PCDHGA2: variants seen among roughly 807,000 people sequenced by gnomAD.
The protein encoded by PCDHGA2 is protocadherin gamma-A2.
PCDHGA2 carries 40 observed loss-of-function variants against 59.2 expected under a neutral mutation model. The observed-to-expected ratio is 0.68, with a 90% CI of 0.52 to 0.88. The LOEUF (loss-of-function observed/expected upper bound fraction) is 0.88. PCDHGA2 is among the 40% of genes least tolerant of loss of function. PCDHGA2 has a pLI of 0.00. For missense variants in PCDHGA2, 1,226 were observed against 1,204.0 expected (o/e 1.02, Z -0.27); for synonymous variants, 560 against 526.0 (o/e 1.06, Z -0.89).
At chr5:141,366,966 A>C in intron 1 of PCDHGA2, 1 of 605,066 alleles carries the variant, frequency 1.7e-6, no homozygotes. Context: ...TAAGTGAAAC[A>C]AATACCTTAA....
At chr5:141,358,301 A>G (rs1561516430) in intron 1 of PCDHGA2, among the ~76,000 whole-genome samples, 2 of 152,228 alleles carry the variant, frequency 1.3e-5, no homozygotes, top group South Asian at 2.1e-4. Flanking sequence ...GTAAATTCAC[A>G]TTTACAATAT....
At chr5:141,362,994 C>A (rs1023697492) in intron 1 of PCDHGA2, among the ~76,000 whole-genome samples, 1 of 152,232 alleles carries the variant, frequency 6.6e-6, no homozygotes, top group East Asian at 1.9e-4. Flanking sequence ...AATGGCATGG[C>A]TTGTTAATCA....
rs1345849371 is a variant in PCDHGA2 at position 141,362,707 on chromosome 5, G to A, written c.2424+21312G>A. On this transcript the variant is annotated intron_variant, in intron 1 of 3. Coordinates refer to ENST00000394576, the MANE Select transcript of PCDHGA2 (RefSeq NM_018915.4). Reference sequence around the variant, plus strand: ...AATCTTATCTAACTGAATTTTAAGTGTTTTCTCTCTGAAGTGTGAGATTTA... The same window carrying A: ...AATCTTATCTAACTGAATTTTAAGTATTTTCTCTCTGAAGTGTGAGATTTA... The A allele has an allele frequency of 1.5e-5, 15 of 973,906 alleles. No individual in the cohort carries two copies. The South Asian group carries it at 2.3e-4, about 15-fold the overall frequency. The allele number at this position is 973,906 out of a possible 1,614,324, so 60.3% of individuals were successfully genotyped here.
intron 1 of PCDHGA2, among the ~76,000 whole-genome samples, chr5:141,348,064 T>C (rs1758058458): frequency 6.6e-6 from 1 of 152,238 alleles, no homozygotes. Context: ...TTTTGTCATG[T>C]TCTACAACTT....
chr5:141,394,536 G>A lies in PCDHGA2; in HGVS notation c.2424+53141G>A. The A allele has an allele frequency of 1.2e-6, 2 of 1,614,188 alleles. No individual in the cohort carries two copies. Among genetic ancestry groups the A allele is most frequent in the Middle Eastern group, 1.7e-4 (1 of 6,058 alleles). Reference sequence around the variant, plus strand: ...CCTCCCCACAGACGGTTCCACTGGCGTGGAGCTGGCGCCCCGCTCCGCAGA... The same window carrying A: ...CCTCCCCACAGACGGTTCCACTGGCATGGAGCTGGCGCCCCGCTCCGCAGA... On this transcript the variant is annotated intron_variant, in intron 1 of 3. Transcript: ENST00000394576.
chr5:141,360,247 C>G (rs762222973), intron 1 of PCDHGA2: 2 of 1,613,916 alleles, frequency 1.2e-6, no homozygotes, highest in Non-Finnish European at 1.7e-6. Flanking sequence ...CTATTCAATT[C>G]CAGAGGAGCT....
chr5:141,360,059 A>C (rs568145843), intron 1 of PCDHGA2: 6 of 1,450,420 alleles, frequency 4.1e-6, no homozygotes, highest in Non-Finnish European at 1.8e-6. Flanking sequence ...AAGCAGGAAA[A>C]GTGACCTTAG....
Position 141,431,010 on chromosome 5 carries a change from T to G in PCDHGA2, c.2425-63797T>G. 2 of 1,613,972 alleles carry G rather than the reference T, an allele frequency of 1.2e-6. No individual in the cohort carries two copies. The highest frequency in any genetic ancestry group is 1.7e-6 in the Non-Finnish European group (2 of 1,179,964). The stretch of plus-strand genomic sequence containing the variant: ...GCCCTGAATCCGCGCAGCGGCAGCT[T>G]GGTCACGGCGGGCAGGATAGACCGG... On this transcript the variant is annotated intron_variant, in intron 1 of 3. Transcript: ENST00000394576. The surrounding 1 kb of genome is among the most constrained non-coding windows in gnomAD (Gnocchi z 4.8).
intron 1 of PCDHGA2, chr5:141,352,244 G>C (rs763362885): frequency 1.4e-5 from 22 of 1,613,980 alleles, no homozygotes; most frequent in Non-Finnish European, 3.4e-6. Flanking sequence ...AATCTTCGCG[G>C]ATAGCCTGCA....
intron 1 of PCDHGA2, chr5:141,345,526 G>T (rs1757589298): frequency 6.2e-7 from 1 of 1,613,990 alleles, no homozygotes; most frequent in Admixed American, 1.7e-5. Context: ...ACTCTCCAGG[G>T]GGCGCCCCTG....
In PCDHGA2 at chr5:141,511,307, G is replaced by A. The variant is rs919320754; in HGVS notation, c.*134G>A. On this transcript the variant is annotated 3_prime_UTR_variant, in exon 4 of 4. Coordinates refer to ENST00000394576, the MANE Select transcript of PCDHGA2 (RefSeq NM_018915.4). ...TAGGGGCCAAGGCCATGCTCCCCTT[G>A]GGAAACAGAAACAAGTGCCCAGTCA... 8 of 1,488,416 alleles carry A rather than the reference G, an allele frequency of 5.4e-6. No individual in the cohort carries two copies. Among genetic ancestry groups the A allele is most frequent in the Non-Finnish European group, 5.4e-6 (6 of 1,115,202 alleles). The allele number at this position is 1,488,416 out of a possible 1,614,324, so 92.2% of individuals were successfully genotyped here. A position where few individuals can be genotyped will look rare whatever the true frequency, so the allele number is the denominator to read the frequency against.
At chr5:141,504,240 G>A (rs1275204117) in intron 2 of PCDHGA2, among the ~76,000 whole-genome samples, 1 of 152,182 alleles carries the variant, frequency 6.6e-6, no homozygotes, top group Non-Finnish European at 1.5e-5. Context: ...AAGAAGCAGA[G>A]AGTTCTTCTT....
At chr5:141,433,699 T>C (rs2097645911) in intron 1 of PCDHGA2, among the ~76,000 whole-genome samples, 1 of 152,082 alleles carries the variant, frequency 6.6e-6, no homozygotes, top group Non-Finnish European at 1.5e-5. Flanking sequence ...TAGCCGGGCG[T>C]GGTGGTGCAT....
At chr5:141,395,407 G>T (rs1467176036) in intron 1 of PCDHGA2, 3 of 826,654 alleles carry the variant, frequency 3.6e-6, no homozygotes, top group Non-Finnish European at 5.4e-6. Context: ...ATAGTCATAG[G>T]TTATTGTTTC....
At chr5:141,381,826 C>CTTT (rs770630741) in intron 1 of PCDHGA2, among the ~76,000 whole-genome samples, 5,488 of 73,990 alleles carry the variant, frequency 0.074, 263 homozygotes, top group Admixed American at 0.16. Context: ...CTTTCTTCTT[C>CTTT]TTTTTTTTTT....
At chr5:141,370,763 C>T (rs1309192707) in intron 1 of PCDHGA2, 1 of 1,613,816 alleles carries the variant, frequency 6.2e-7, no homozygotes, top group African/African-American at 1.3e-5. Context: ...CTGTGCTGAT[C>T]CAGGATATTA....
At chr5:141,430,873 G>T in intron 1 of PCDHGA2, 5 of 1,598,960 alleles carry the variant, frequency 3.1e-6, no homozygotes, top group Non-Finnish European at 4.3e-6. Flanking sequence ...TTCCGGAAGA[G>T]CTGGAGAAAG....
intron 1 of PCDHGA2, chr5:141,423,522 G>A: frequency 6.2e-7 from 1 of 1,613,850 alleles, no homozygotes; most frequent in South Asian, 1.1e-5. Context: ...CGGACTCGCA[G>A]AAGAGTCACC....
intron 1 of PCDHGA2, chr5:141,351,494 G>T (rs1022210735): frequency 1.2e-6 from 2 of 1,613,868 alleles, no homozygotes; most frequent in African/African-American, 2.7e-5. Flanking sequence ...GGAGCAGACA[G>T]CAGACTACAA....
Sources: gnomAD v4.1 joint callset for allele counts (sites outside exome capture counted in the v4.1 genomes callset) on GRCh38, gnomAD v4.1.1 for gene constraint, Gnocchi (gnomAD v3.1) non-coding constraint, MANE v1.5 for transcripts, NCBI Gene and HGNC (gene_info 2026-07-23, HGNC 2026-07-21) for gene names.